The following NUMB variants were observed in gnomAD, a reference collection of about 807,000 sequenced individuals.
NUMB encodes the protein NUMB endocytic adaptor protein.
In NUMB, 29 loss-of-function variants were observed where a neutral mutation model predicts 59.7. The ratio of observed to expected loss-of-function variants is 0.49; its 90% CI spans 0.36 to 0.66. The LOEUF (loss-of-function observed/expected upper bound fraction) is 0.66. Ranked by LOEUF, NUMB falls within the 30% of genes least tolerant of loss-of-function variation. The probability of loss-of-function intolerance (pLI) is 0.00; values close to 1 mark genes in which losing one functional copy is unlikely to be tolerated. For synonymous variants in NUMB, 288 were observed against 288.2 expected, an observed-to-expected ratio of 1.00 and a Z score of 0.01; for missense variants, 723 against 822.0, an observed-to-expected ratio of 0.88 and a Z score of 1.47.
At chr14:73,334,933 G>A (rs1418917364) in intron 4 of NUMB, among the ~76,000 whole-genome samples, 12 of 124,546 alleles carry the variant, frequency 9.6e-5, no homozygotes, top group African/African-American at 3.6e-4. Context: ...TGGGCGACAA[G>A]AGCAAAACTC....
intron 3 of NUMB, among the ~76,000 whole-genome samples, chr14:73,363,039 T>C (rs777550083): frequency 6.6e-6 from 1 of 152,164 alleles, no homozygotes; most frequent in Non-Finnish European, 1.5e-5. Context: ...CTCATGCCTG[T>C]AATCCCAACA....
At chr14:73,309,273 T>C (rs1294329124) in intron 6 of NUMB, among the ~76,000 whole-genome samples, 1 of 152,302 alleles carries the variant, frequency 6.6e-6, no homozygotes, top group South Asian at 2.1e-4. Flanking sequence ...CTTGCACATG[T>C]ATGTTTACTG....
Position 73,309,427 on chromosome 14 carries a change from T to C in NUMB, c.234+6963A>G, listed in dbSNP as rs1305667573. On this transcript the variant is annotated intron_variant, in intron 6 of 12. Coordinates refer to ENST00000555238, the MANE Select transcript of NUMB (RefSeq NM_001005743.2). The stretch of plus-strand genomic sequence containing the variant: ...TGAGTTCATGTCCTTTGTAGGGACA[T>C]GGATGAAGCTGGAAACCATCATTCT... Among the ~76,000 whole-genome samples the C allele has an allele frequency of 2.0e-5, 3 of 152,206 alleles. No homozygotes were observed. The South Asian group carries it at 6.2e-4, about 32-fold the overall frequency.
intron 4 of NUMB, among the ~76,000 whole-genome samples, chr14:73,349,319 G>A (rs918326606): frequency 1.3e-5 from 2 of 152,170 alleles, no homozygotes; most frequent in Non-Finnish European, 2.9e-5. Flanking sequence ...CGGGCACAGT[G>A]GCTCATACCT....
chr14:73,456,237 G>C (rs1884362056), intron 1 of NUMB, among the ~76,000 whole-genome samples: 1 of 151,840 alleles, frequency 6.6e-6, no homozygotes, highest in African/African-American at 2.4e-5. Flanking sequence ...AGCCTTCCAA[G>C]TAGCTGGGAT....
intron 6 of NUMB, among the ~76,000 whole-genome samples, chr14:73,299,743 C>CT (rs931784664): frequency 5.3e-5 from 8 of 151,776 alleles, no homozygotes; most frequent in African/African-American, 9.7e-5. Context: ...GTATTAAATA[C>CT]TTTTTTTTAC....
At chr14:73,289,789 A>T (rs1250222641) in intron 8 of NUMB, among the ~76,000 whole-genome samples, 1 of 152,218 alleles carries the variant, frequency 6.6e-6, no homozygotes, top group Non-Finnish European at 1.5e-5. Context: ...TTAAAGCATG[A>T]AACAGGAGTA....
intron 2 of NUMB, chr14:73,409,257 C>T (rs1896806352): frequency 6.6e-6 from 1 of 152,198 alleles, no homozygotes; most frequent in East Asian, 1.9e-4. Flanking sequence ...AGCAAAGTAA[C>T]ACTATGTGAC....
At chr14:73,367,774 C>CAAA (rs11463575) in intron 2 of NUMB, among the ~76,000 whole-genome samples, 23,156 of 111,538 alleles carry the variant, frequency 0.21, 3,116 homozygotes, top group East Asian at 0.66. Context: ...GACCCTGTTT[C>CAAA]AAAAAAAAAA....
intron 3 of NUMB, among the ~76,000 whole-genome samples, chr14:73,358,081 T>C (rs1421731313): frequency 6.6e-6 from 1 of 152,182 alleles, no homozygotes; most frequent in South Asian, 2.1e-4. Flanking sequence ...ACCTCCTTAG[T>C]AGCTCTTGAA....
At chr14:73,374,382 C>T (rs1431263772) in intron 2 of NUMB, among the ~76,000 whole-genome samples, 2 of 152,196 alleles carry the variant, frequency 1.3e-5, no homozygotes, top group Non-Finnish European at 2.9e-5. Flanking sequence ...GAATTAGCTG[C>T]CCAATTTTCC....
intron 2 of NUMB, among the ~76,000 whole-genome samples, chr14:73,379,513 A>G (rs1487041373): frequency 6.6e-6 from 1 of 152,226 alleles, no homozygotes; most frequent in Admixed American, 6.5e-5. Context: ...TATAAAGAAA[A>G]ATCAAGTAGG....
intron 2 of NUMB, among the ~76,000 whole-genome samples, chr14:73,405,788 G>GTT (rs75689542): frequency 4.0e-5 from 6 of 151,628 alleles, no homozygotes; most frequent in African/African-American, 1.5e-4. Flanking sequence ...GTTGTTTTGG[G>GTT]TTTTTTTTCT....
chr14:73,426,457 A>G (rs2140160511), intron 1 of NUMB, among the ~76,000 whole-genome samples: 1 of 152,230 alleles, frequency 6.6e-6, no homozygotes, highest in South Asian at 2.1e-4. Context: ...TTGTAATCTC[A>G]GCAATTTGGG....
chr14:73,406,547 A>G (rs575313362), intron 2 of NUMB, among the ~76,000 whole-genome samples: 5 of 152,146 alleles, frequency 3.3e-5, no homozygotes, highest in Admixed American at 6.5e-5. Flanking sequence ...TAGTGCCGCA[A>G]TAAACATACA....
At chr14:73,313,498 A>T (rs1315100954) in intron 6 of NUMB, among the ~76,000 whole-genome samples, 1 of 150,388 alleles carries the variant, frequency 6.6e-6, no homozygotes, top group Non-Finnish European at 1.5e-5. Context: ...TAATTATACA[A>T]TAATTATAAA....
intron 2 of NUMB, among the ~76,000 whole-genome samples, chr14:73,393,301 G>C (rs1337668091): frequency 6.6e-6 from 1 of 152,204 alleles, no homozygotes; most frequent in Non-Finnish European, 1.5e-5. Context: ...CACTGTAGTG[G>C]AAGGTAAGAT....
At position 73,279,382 on chromosome 14, in the gene NUMB, G is replaced by A. The variant is rs1486343960; in HGVS notation, c.1139C>T (p.Ala380Val). The A allele has an allele frequency of 6.2e-7, 1 of 1,606,550 alleles. No homozygotes were observed. Among genetic ancestry groups the A allele is most frequent in the Non-Finnish European group, 8.5e-7 (1 of 1,176,482 alleles). ...DSAFHVLAKPAHTALAPVAMP... is the reference protein window; with the variant it reads ...DSAFHVLAKPVHTALAPVAMP... ...TGCTACGGGTGCTAGAGCAGTATGG[G>A]CTGGCTTAGCAAGCACATGGAAGGC... The change falls in exon 12 of 13, where the codon GCC (alanine) becomes GTC (valine). Residue 380 changes from alanine to valine, a missense_variant. By Grantham distance (64) the Ala-to-Val change is moderately conservative. This residue lies in a region of NUMB where 406 missense variants were observed against 385.4 expected (regional missense o/e 1.05). Transcript: ENST00000555238.
chr14:73,442,651 C>CA (rs917540279), intron 1 of NUMB, among the ~76,000 whole-genome samples: 6 of 151,718 alleles, frequency 4.0e-5, no homozygotes, highest in African/African-American at 7.3e-5. Flanking sequence ...AGAAGTCAGA[C>CA]AAAAAAATAT....
Sources: gnomAD v4.1 joint callset for allele counts (sites outside exome capture counted in the v4.1 genomes callset) on GRCh38, gnomAD v4.1.1 for gene constraint, gnomAD v4.1.1 regional missense constraint, MANE v1.5 for transcripts, NCBI Gene and HGNC (gene_info 2026-07-23, HGNC 2026-07-21) for gene names.